AKAP9: variants seen among roughly 807,000 people sequenced by gnomAD.
AKAP9 encodes the protein A-kinase anchor protein 9.
Under a neutral mutation model 488.5 loss-of-function variants are expected in AKAP9, and 311 were observed. The observed-to-expected ratio is 0.64, with a 90% confidence interval of 0.58 to 0.70. AKAP9 has a LOEUF of 0.70. AKAP9 is among the 30% of genes least tolerant of loss of function. The pLI, the probability that AKAP9 is intolerant of heterozygous loss-of-function variation, is 0.00. For missense variants in AKAP9, 4,215 were observed against 4,374.5 expected, an observed-to-expected ratio of 0.96 and a Z score of 1.03; for synonymous variants, 1,462 against 1,483.5, an observed-to-expected ratio of 0.99 and a Z score of 0.33.
At chr7:92,074,949 G>A (rs1048114367) in intron 28 of AKAP9, among the ~76,000 whole-genome samples, 21 of 152,052 alleles carry the variant, frequency 1.4e-4, no homozygotes, top group Admixed American at 7.2e-4. Context: ...ACAATGGCAC[G>A]TGTGTACCTG....
chr7:92,024,948 T>G (rs1333192049), intron 14 of AKAP9, among the ~76,000 whole-genome samples: 1 of 152,210 alleles, frequency 6.6e-6, no homozygotes, highest in Non-Finnish European at 1.5e-5. Context: ...TTTCTAAACA[T>G]GACCATACAT....
In AKAP9 at chr7:92,077,682, AT is replaced by A; in HGVS notation, c.6766-9del. On this transcript the variant is annotated splice_polypyrimidine_tract_variant and intron_variant, in intron 29 of 49. Transcript: ENST00000356239. ...AATGATATATCCAACTGTGATAATTATTTTTGTTCCTAGGATGACATGGAGA... is the reference window on the plus strand; with the variant it reads ...AATGATATATCCAACTGTGATAATTATTTTGTTCCTAGGATGACATGGAGA... 1 of 1,610,934 alleles carries A rather than the reference AT, an allele frequency of 6.2e-7. No homozygotes were observed. The highest frequency in any genetic ancestry group is 8.5e-7 in the Non-Finnish European group (1 of 1,177,442).
At chr7:91,975,608 C>T (rs1163929923) in intron 2 of AKAP9, among the ~76,000 whole-genome samples, 1 of 151,944 alleles carries the variant, frequency 6.6e-6, no homozygotes, top group Non-Finnish European at 1.5e-5. Context: ...TTTCCAATGT[C>T]GATGTTCTTT....
intron 28 of AKAP9, among the ~76,000 whole-genome samples, chr7:92,075,882 G>A (rs993622337): frequency 1.6e-4 from 25 of 152,178 alleles, no homozygotes; most frequent in African/African-American, 5.8e-4. Flanking sequence ...TGTGTAATCA[G>A]CGATTCCCTC....
At chr7:92,034,173 A>G (rs932553976) in intron 16 of AKAP9, among the ~76,000 whole-genome samples, 1 of 152,194 alleles carries the variant, frequency 6.6e-6, no homozygotes, top group African/African-American at 2.4e-5. Context: ...TGAAAGGGAA[A>G]GTCAAGAGAG....
intron 12 of AKAP9, among the ~76,000 whole-genome samples, chr7:92,019,764 T>G (rs1802054171): frequency 6.6e-6 from 1 of 151,932 alleles, no homozygotes; most frequent in Non-Finnish European, 1.5e-5. Context: ...TCCCAGCACT[T>G]TAGTTGGCCA....
intron 1 of AKAP9, among the ~76,000 whole-genome samples, chr7:91,964,872 A>G (rs939559784): frequency 6.6e-6 from 1 of 152,192 alleles, no homozygotes; most frequent in African/African-American, 2.4e-5. Flanking sequence ...CCAAGGATAG[A>G]AAGTCTCCTT....
In AKAP9 at chr7:92,100,111, C is replaced by G. The variant is rs1423152138; in HGVS notation, c.10896+242C>G. 1.4e-4 allele frequency: 58 copies of G among 424,006 alleles called. 4 individuals are homozygous for G. The highest frequency in any genetic ancestry group is 1.2e-3 in the South Asian group (49 of 42,568). The allele number at this position is 424,006 out of a possible 1,614,324, so 26.3% of individuals were successfully genotyped here. On this transcript the variant is annotated intron_variant, in intron 44 of 49. Coordinates refer to ENST00000356239, the MANE Select transcript of AKAP9 (RefSeq NM_005751.5). ...TTGTATACATACAGAATCTCTAATC[C>G]ACATCCACCTTATACCTGAGAAAAC...
chr7:92,028,295 T>TAAAAA (rs57352733), intron 14 of AKAP9, among the ~76,000 whole-genome samples: 46 of 65,074 alleles, frequency 7.1e-4, no homozygotes, highest in Non-Finnish European at 8.4e-4. Context: ...CAATAAATAC[T>TAAAAA]AAAAAAAAAA....
intron 22 of AKAP9, among the ~76,000 whole-genome samples, chr7:92,060,571 T>C (rs1809595758): frequency 6.6e-6 from 1 of 152,138 alleles, no homozygotes; most frequent in African/African-American, 2.4e-5. Context: ...CTTAAAAAAT[T>C]GTTTAAGAAT....
Position 92,093,096 on chromosome 7 carries a change from G to C in AKAP9, c.9359-1G>C. The C allele has an allele frequency of 6.2e-7, 1 of 1,610,540 alleles. No individual in the cohort carries two copies. ...TCAAATATTAATCATGTTCTGTGTA[G>C]AACTCTTGGAATATAATATACAGCA... is the stretch of plus-strand genomic sequence containing the variant. On this transcript the variant is annotated splice_acceptor_variant, in intron 38 of 49. Coordinates refer to ENST00000356239, the MANE Select transcript of AKAP9 (RefSeq NM_005751.5). LOFTEE classifies it high-confidence loss of function.
Position 92,002,864 on chromosome 7 carries a change from T to G in AKAP9, c.2947T>G (p.Leu983Val), listed in dbSNP as rs1158379374. The change falls in exon 8 of 50, where the codon TTA becomes GTA. Residue 983 changes from leucine (L) to valine (V), a missense_variant. By Grantham distance (32) the Leu-to-Val change is conservative. Transcript: ENST00000356239. The stretch of plus-strand genomic sequence containing the variant: ...TTTTCTAAATGAAGAAGTTAAATCT[T>G]TAAAGCAAGAGAAAGAACAAGTTTC... ...ISFLNEEVKS[L>V]KQEKEQVSLR... is the part of the protein sequence containing the mutation. The G allele has an allele frequency of 6.2e-7, 1 of 1,612,932 alleles. No homozygotes were observed. Among genetic ancestry groups the G allele is most frequent in the African/African-American group, 1.3e-5 (1 of 74,800 alleles).
Position 92,002,340 on chromosome 7 carries a change from C to T in AKAP9, c.2423C>T (p.Ser808Phe). ...SQEERLIFLD[S>F]IKSKSKDSVW... ...GAAGAAAGATTGATTTTCTTAGACTCCATTAAGTCCAAATCCAAAGACTCT... is the reference window on the plus strand; with the variant it reads ...GAAGAAAGATTGATTTTCTTAGACTTCATTAAGTCCAAATCCAAAGACTCT... Residue 808 changes from serine to phenylalanine, a missense_variant, in exon 8 of 50, where the codon TCC (serine) becomes TTC (phenylalanine). Coordinates refer to ENST00000356239, the MANE Select transcript of AKAP9 (RefSeq NM_005751.5). The T allele has an allele frequency of 2.5e-6, 4 of 1,612,718 alleles. No individual in the cohort carries two copies. The highest frequency in any genetic ancestry group is 2.5e-6 in the Non-Finnish European group (3 of 1,179,298).
chr7:92,065,513 G>T, intron 25 of AKAP9, 50 bp downstream of exon 25: 2 of 1,293,250 alleles, frequency 1.5e-6, no homozygotes, highest in Non-Finnish European at 2.2e-6. Flanking sequence ...AATGTTCTTT[G>T]CTAGTATACT....
At chr7:92,084,070 T>G (rs1240856041) in intron 33 of AKAP9, among the ~76,000 whole-genome samples, 1 of 152,218 alleles carries the variant, frequency 6.6e-6, no homozygotes, top group East Asian at 1.9e-4. Context: ...AGTGAGAACA[T>G]GCAGTGTTTG....
chr7:91,966,018 G>C (rs1425529488), intron 1 of AKAP9, among the ~76,000 whole-genome samples: 3 of 152,102 alleles, frequency 2.0e-5, no homozygotes, highest in Admixed American at 1.3e-4. Flanking sequence ...TTCGTTTGCT[G>C]TACAGAAACT....
rs758623712 is a variant in AKAP9 at position 92,097,155 on chromosome 7, C to A, written c.10196C>A (p.Thr3399Asn). 5 of 1,613,984 alleles carry A rather than the reference C, an allele frequency of 3.1e-6. No individual in the cohort carries two copies. The South Asian group carries it at 4.4e-5, about 14-fold the overall frequency. The change falls in exon 41 of 50, where the codon ACT becomes AAT. Residue 3399 changes from threonine to asparagine, a missense_variant. Thr to Asn is a moderately conservative substitution (Grantham distance 65). Transcript: ENST00000356239. ...KTLQTEQEAN[T>N]EGQKKMHELQ... is the part of the protein sequence containing the mutation. ...CTGCAGACAGAACAGGAGGCCAACA[C>A]TGAGGGACAGAAAAAAATGCATGAG...
At chr7:91,955,610 A>T (rs563249725) in intron 1 of AKAP9, among the ~76,000 whole-genome samples, 2 of 152,312 alleles carry the variant, frequency 1.3e-5, no homozygotes, top group South Asian at 4.1e-4. Flanking sequence ...CCATTATAGG[A>T]ATTTACGTCA....
intron 1 of AKAP9, among the ~76,000 whole-genome samples, chr7:91,947,028 C>T (rs1486336985): frequency 6.6e-6 from 1 of 152,046 alleles, no homozygotes; most frequent in Non-Finnish European, 1.5e-5. Flanking sequence ...ATATTCATTT[C>T]TTAGTAAGAT....
Sources: allele counts gnomAD v4.1 joint callset (sites outside exome capture counted in the v4.1 genomes callset), GRCh38; gene constraint gnomAD v4.1.1; transcripts MANE v1.5; gene names NCBI Gene and HGNC (gene_info 2026-07-23, HGNC 2026-07-21).